Variants in BRPF1 observed in about 807,000 individuals in gnomAD.
BRPF1 encodes the protein bromodomain and PHD finger containing 1.
BRPF1 carries 15 observed loss-of-function variants against 115.0 expected under a neutral mutation model. The observed-to-expected ratio is 0.13, with a 90% confidence interval of 0.09 to 0.20. The LOEUF (loss-of-function observed/expected upper bound fraction) is 0.20, where lower values mean the gene tolerates loss of function less well. Ranked by LOEUF, BRPF1 falls within the 10% of genes least tolerant of loss-of-function variation. BRPF1 has a pLI of 1.00. For missense variants in BRPF1, 1,118 were observed against 1,638.3 expected, an observed-to-expected ratio of 0.68 and a Z score of 5.48; for synonymous variants, 647 against 619.8, an observed-to-expected ratio of 1.04 and a Z score of -0.65.
rs1358447010 is a variant in BRPF1, at chr3:9,744,387, T to C, written c.2799T>C (p.Pro933=). 5 of 1,612,192 alleles carry C rather than the reference T, an allele frequency of 3.1e-6. No homozygotes were observed. The highest frequency in any genetic ancestry group is 4.2e-6 in the Non-Finnish European group (5 of 1,179,140). The change falls in exon 9 of 14, where the codon CCT becomes CCC. Residue 933 remains proline (P), a synonymous_variant. Transcript: ENST00000383829. ...SQMTPSHGGS[P]VGPPQLPIMS... The stretch of plus-strand genomic sequence containing the variant: ...TGACCCCCAGCCACGGAGGCAGTCC[T>C]GTGGGGCCCCCCCAGCTCCCCATCA...
chr3:9,744,794 T>C (rs2077094582), intron 9 of BRPF1, among the ~76,000 whole-genome samples: 1 of 152,218 alleles, frequency 6.6e-6, no homozygotes, highest in Non-Finnish European at 1.5e-5. Flanking sequence ...ATTTGTGTCC[T>C]AAAGCCAGTA....
chr3:9,740,071 T>C (rs1468444648), intron 3 of BRPF1, 113 bp downstream of exon 3: 7 of 1,419,044 alleles, frequency 4.9e-6, no homozygotes, highest in South Asian at 1.6e-5. Context: ...AGGAGCTGCA[T>C]AGAAGTTAAA....
chr3:9,745,739 C>T lies in BRPF1; in HGVS notation c.3205+30C>T. On this transcript the variant is annotated intron_variant, in intron 11 of 13. Transcript: ENST00000383829. This position sits in a 1 kb window ranked among gnomAD's most constrained non-coding sequence, Gnocchi z 5.1. ...GTTCCCTTGCCCAAGGCCAGGGATG[C>T]TGGGGACCCAGTGTCAGGGTCTCGC... The T allele has an allele frequency of 6.2e-7, 1 of 1,612,200 alleles. No homozygotes were observed. The highest frequency in any genetic ancestry group is 8.5e-7 in the Non-Finnish European group (1 of 1,178,336).
At chr3:9,735,007 C>G (rs999668341) in intron 2 of BRPF1, among the ~76,000 whole-genome samples, 1 of 150,072 alleles carries the variant, frequency 6.7e-6, no homozygotes, top group African/African-American at 2.5e-5. Context: ...GAAAGGGTGC[C>G]AGATTTATCC....
chr3:9,744,100 C>G (rs1281556876), intron 8 of BRPF1, 124 bp from the exon 9 acceptor site: 8 of 1,351,446 alleles, frequency 5.9e-6, no homozygotes, highest in Non-Finnish European at 8.1e-6. Flanking sequence ...TTCCAAGCCC[C>G]TAAAATGATC....
At chr3:9,744,889 G>T in intron 9 of BRPF1, 119 bp from the exon 10 acceptor site, 1 of 1,382,610 alleles carries the variant, frequency 7.2e-7, no homozygotes, top group Non-Finnish European at 1.0e-6. Context: ...GGCCAAGGTT[G>T]GAGGAATTTT....
rs753370662 is a variant in BRPF1 at position 9,743,765 on chromosome 3, A to C, written c.2499A>C (p.Arg833=). 6.2e-7 allele frequency: 1 copy of C among 1,614,068 alleles called. No homozygotes were observed. The highest frequency in any genetic ancestry group is 1.3e-5 in the African/African-American group (1 of 74,930). ...TALRRKLAHQ[R]ETGRDGPERH... ...TGCGGCGGAAGCTTGCCCATCAGCGAGAGACGGGACGTGATGGCCCTGAGC... is the reference window on the plus strand; with the variant it reads ...TGCGGCGGAAGCTTGCCCATCAGCGCGAGACGGGACGTGATGGCCCTGAGC... Residue 833 remains arginine, a synonymous_variant, in exon 8 of 14, where the codon CGA becomes CGC. Coordinates refer to ENST00000383829, the MANE Select transcript of BRPF1 (RefSeq NM_001003694.2). The surrounding 1 kb of genome is among the most constrained non-coding windows in gnomAD (Gnocchi z 6.1).
intron 13 of BRPF1, 95 bp downstream of exon 13, chr3:9,746,549 C>G: frequency 7.2e-7 from 1 of 1,381,402 alleles, no homozygotes; most frequent in Non-Finnish European, 9.6e-7. Flanking sequence ...AACAGGCAGA[C>G]TGGGCTATCA....
At position 9,748,013 on chromosome 3, in the gene BRPF1, G is replaced by C. The variant is rs995798995; in HGVS notation, c.*664G>C. 1.3e-5 allele frequency: 2 copies of C among 152,136 alleles called. No homozygotes were observed. Among genetic ancestry groups the C allele is most frequent in the African/African-American group, 4.8e-5 (2 of 41,388 alleles). 9.4% of individuals were successfully genotyped at this position (152,136 alleles called of 1,614,324 possible). Reference sequence around the variant, plus strand: ...TCTTAGAAAATAAACTGTCAATTTAGAATTCTTTGTTCTTGCCCCCTGCCA... The same window carrying C: ...TCTTAGAAAATAAACTGTCAATTTACAATTCTTTGTTCTTGCCCCCTGCCA... On this transcript the variant is annotated 3_prime_UTR_variant, in exon 14 of 14. Transcript: ENST00000383829.
rs984307122 is a variant in BRPF1 at position 9,740,040 on chromosome 3, G to T, written c.1559+82G>T. 2.3e-5 allele frequency: 33 copies of T among 1,450,830 alleles called. No individual in the cohort carries two copies. The African/African-American group carries it at 3.7e-4, about 16-fold the overall frequency. The allele number at this position is 1,450,830 out of a possible 1,614,324, so 89.9% of individuals were successfully genotyped here. A position where few individuals can be genotyped will look rare whatever the true frequency, so the allele number is the denominator to read the frequency against. On this transcript the variant is annotated intron_variant, in intron 3 of 13. Coordinates refer to ENST00000383829, the MANE Select transcript of BRPF1 (RefSeq NM_001003694.2). ...AGCTGGCAGCCTCCTGAGTGGAATGGCAGGGCTGGGCTATCTTCCCAGGAG... is the reference window on the plus strand; with the variant it reads ...AGCTGGCAGCCTCCTGAGTGGAATGTCAGGGCTGGGCTATCTTCCCAGGAG...
chr3:9,746,572 G>A, intron 13 of BRPF1, 118 bp downstream of exon 13: 1 of 1,273,588 alleles, frequency 7.9e-7, no homozygotes, highest in Non-Finnish European at 1.0e-6. Flanking sequence ...AGTCAGTGGG[G>A]GAGGGACTTA....
rs1330662021 is a variant in BRPF1, at chr3:9,734,636, C to G, written c.496C>G (p.His166Asp). ...CAAGGACTCCAACCATCACCACCAC[C>G]ACAATGTTTCTGCGAGCACCACTCC... ...KRKDSNHHHH[H>D]NVSASTTPKL... Residue 166 changes from histidine (H) to aspartate (D), a missense_variant, in exon 2 of 14, where the codon CAC becomes GAC. Physicochemically the swap from His to Asp is moderately conservative, Grantham distance 81. Transcript: ENST00000383829. The surrounding 1 kb of genome is among the most constrained non-coding windows in gnomAD (Gnocchi z 5.7). 1 of 1,614,168 alleles carries G rather than the reference C, an allele frequency of 6.2e-7. No individual in the cohort carries two copies. The highest frequency in any genetic ancestry group is 1.1e-5 in the South Asian group (1 of 91,084).
chr3:9,732,435 CG>C (rs2076869395), intron 1 of BRPF1: 1 of 152,166 alleles, frequency 6.6e-6, no homozygotes, highest in Non-Finnish European at 1.5e-5. Context: ...CCTATCCCTC[CG>C]GCCCCCGCCC....
At position 9,743,885 on chromosome 3, in the gene BRPF1, C is replaced by T; in HGVS notation, c.2619C>T (p.Ser873=). ...ATAGTGCGGCAGAGGAGAGCAGCAG[C>T]CAGGAGACAAGCAAAGGTCTGAATC... ...QTDSAAEESS[S]QETSKGLGPN... is the part of the protein sequence containing the mutation. Residue 873 remains serine, a synonymous_variant, in exon 8 of 14, where the codon AGC becomes AGT. Transcript: ENST00000383829. The surrounding 1 kb of genome is among the most constrained non-coding windows in gnomAD (Gnocchi z 6.1). 1.3e-6 allele frequency: 2 copies of T among 1,575,222 alleles called. No individual in the cohort carries two copies. Among genetic ancestry groups the T allele is most frequent in the Non-Finnish European group, 8.6e-7 (1 of 1,156,114 alleles).
chr3:9,739,144 A>G lies in BRPF1; in HGVS notation c.745A>G (p.Met249Val). ...CCCGCAGGAGATCTTTGAGTACCTA[A>G]TGGACCGACTGGAGAAGGAGTCGTA... Reference protein sequence around the residue: ...PIPQEIFEYLMDRLEKESYFE... With the variant: ...PIPQEIFEYLVDRLEKESYFE... Residue 249 changes from methionine to valine, a missense_variant, in exon 3 of 14, where the codon ATG (methionine) becomes GTG (valine). Met to Val is a conservative substitution (Grantham distance 21). Transcript: ENST00000383829. 1.2e-6 allele frequency: 2 copies of G among 1,614,092 alleles called. No individual in the cohort carries two copies. Among genetic ancestry groups the G allele is most frequent in the Non-Finnish European group, 1.7e-6 (2 of 1,179,968 alleles).
intron 6 of BRPF1, 150 bp downstream of exon 6, chr3:9,742,321 G>A (rs1027329373): frequency 1.5e-5 from 22 of 1,479,614 alleles, no homozygotes; most frequent in Middle Eastern, 5.0e-4. Flanking sequence ...TGTATCACCT[G>A]GACTCTGTCT....
chr3:9,735,767 G>A (rs1323948738), intron 2 of BRPF1, among the ~76,000 whole-genome samples: 1 of 152,130 alleles, frequency 6.6e-6, no homozygotes, highest in Non-Finnish European at 1.5e-5. Flanking sequence ...GGGCAGTGTG[G>A]TGCTGAAACT....
rs765797715 is a variant in BRPF1 at position 9,739,374 on chromosome 3, T to C, written c.975T>C (p.Ser325=). 30 of 1,614,074 alleles carry C rather than the reference T, an allele frequency of 1.9e-5. No individual in the cohort carries two copies. The highest frequency in any genetic ancestry group is 2.5e-5 in the Non-Finnish European group (29 of 1,180,040). The change falls in exon 3 of 14, where the codon TCT becomes TCC. Residue 325 remains serine (S), a synonymous_variant. Coordinates refer to ENST00000383829, the MANE Select transcript of BRPF1 (RefSeq NM_001003694.2). ...WLCRRCLQSP[S]RAVDCALCPN... ...GCCGCCGTTGCCTGCAGTCACCCTC[T>C]CGTGCTGTGGATTGTGCCCTGTGCC...
At chr3:9,737,899 C>T (rs549529414) in intron 2 of BRPF1, among the ~76,000 whole-genome samples, 16 of 152,200 alleles carry the variant, frequency 1.1e-4, no homozygotes, top group African/African-American at 3.9e-4. Context: ...CCATATAACC[C>T]TGACAGTTTC....
Sources: allele counts gnomAD v4.1 joint callset (sites outside exome capture counted in the v4.1 genomes callset), GRCh38; gene constraint gnomAD v4.1.1; non-coding constraint Gnocchi (gnomAD v3.1); transcripts MANE v1.5; gene names NCBI Gene and HGNC (gene_info 2026-07-23, HGNC 2026-07-21).